Variants in CATSPERD observed in about 807,000 individuals in gnomAD.
CATSPERD encodes the protein catsper channel auxiliary subunit delta.
Under a neutral mutation model 98.1 loss-of-function variants are expected in CATSPERD, and 86 were observed. The observed-to-expected ratio is 0.88, with a 90% CI of 0.74 to 1.05. The LOEUF (loss-of-function observed/expected upper bound fraction) is 1.05, where lower values mean the gene tolerates loss of function less well. CATSPERD is among the 50% of genes least tolerant of loss of function. The probability of loss-of-function intolerance (pLI) is 0.00; values close to 1 mark genes in which losing one functional copy is unlikely to be tolerated. For synonymous variants in CATSPERD, 394 were observed against 390.2 expected (o/e 1.01, Z -0.12); for missense variants, 995 against 1,005.7 (o/e 0.99, Z 0.14).
intron 5 of CATSPERD, 58 bp downstream of exon 5, chr19:5,734,028 G>A: frequency 7.9e-6 from 8 of 1,012,466 alleles, no homozygotes; most frequent in Non-Finnish European, 1.0e-5. Context: ...GAGAGAAGAG[G>A]GTATTAGTGT....
chr19:5,737,334 G>C, intron 6 of CATSPERD, 129 bp downstream of exon 6: 1 of 585,308 alleles, frequency 1.7e-6, no homozygotes, highest in South Asian at 2.0e-5. Flanking sequence ...GCCGAGGCAA[G>C]AGGATTGCTG....
intron 4 of CATSPERD, among the ~76,000 whole-genome samples, chr19:5,731,433 G>A (rs1243990577): frequency 1.3e-5 from 2 of 152,022 alleles, no homozygotes; most frequent in African/African-American, 2.4e-5. Flanking sequence ...GTTGCAGTGA[G>A]CTATGATTGT....
At chr19:5,758,660 G>A (rs781085006) in intron 14 of CATSPERD, among the ~76,000 whole-genome samples, 11 of 151,318 alleles carry the variant, frequency 7.3e-5, no homozygotes, top group Non-Finnish European at 1.5e-4. Context: ...GGAGAATGGC[G>A]TGAACCCAGG....
rs1201805045 is a variant in CATSPERD, at chr19:5,720,770, C to T, written c.33C>T (p.Thr11=). 6.2e-7 allele frequency: 1 copy of T among 1,603,952 alleles called. No individual in the cohort carries two copies. Among genetic ancestry groups the T allele is most frequent in the Non-Finnish European group, 8.5e-7 (1 of 1,179,588 alleles). The stretch of plus-strand genomic sequence containing the variant: ...TGTTGATGCTGGTGGCGGCTGTGAC[C>T]ATGTGGCTCCGACCGCTGGTCACAG... The part of the protein sequence containing the change: MLMLMLVAAV[T]MWLRPLVTAQ... Residue 11 remains threonine (T), a synonymous_variant, in exon 1 of 22, where the codon ACC becomes ACT. Transcript: ENST00000381624.
intron 9 of CATSPERD, among the ~76,000 whole-genome samples, chr19:5,747,507 T>C (rs796970558): frequency 9.9e-5 from 15 of 152,096 alleles, no homozygotes; most frequent in African/African-American, 3.4e-4. Flanking sequence ...TTAGAAGACA[T>C]TCCATTGTGT....
chr19:5,723,450 C>A (rs2055539251), intron 1 of CATSPERD, among the ~76,000 whole-genome samples: 1 of 144,902 alleles, frequency 6.9e-6, no homozygotes, highest in South Asian at 2.3e-4. Context: ...CGCCACCCTG[C>A]CCAGCTAATT....
At chr19:5,721,878 A>G (rs9710120) in intron 1 of CATSPERD, among the ~76,000 whole-genome samples, 3,958 of 151,824 alleles carry the variant, frequency 0.026, 91 homozygotes, top group Non-Finnish European at 0.037. Context: ...AATCCCAGCT[A>G]CTTGGGAGGC....
chr19:5,763,230 C>T lies in CATSPERD; in HGVS notation c.1443C>T (p.Thr481=). The change falls in exon 16 of 22, where the codon ACC becomes ACT. Residue 481 remains threonine (T), a synonymous_variant. Coordinates refer to ENST00000381624, the MANE Select transcript of CATSPERD (RefSeq NM_152784.4). The part of the protein sequence containing the change: ...SNFTSSLKKA[T]MSTLTVDIAN... ...TGCCTTGCAGTTTAAAGAAAGCCAC[C>T]ATGTCTACCTTAACTGTGGACATAG... The T allele has an allele frequency of 6.2e-7, 1 of 1,613,992 alleles. No individual in the cohort carries two copies. The highest frequency in any genetic ancestry group is 8.5e-7 in the Non-Finnish European group (1 of 1,179,964).
At position 5,778,723 on chromosome 19, in the gene CATSPERD, T is replaced by C. The variant is rs2056777188; in HGVS notation, c.*47T>C. On this transcript the variant is annotated 3_prime_UTR_variant, in exon 22 of 22. Coordinates refer to ENST00000381624, the MANE Select transcript of CATSPERD (RefSeq NM_152784.4). ...CCCCTTGTCTTCAAATAAAGTATAA[T>C]GTAACATAGCAGGAAGCAGTATGTA... The C allele has an allele frequency of 6.5e-7, 1 of 1,544,118 alleles. No individual in the cohort carries two copies. Among genetic ancestry groups the C allele is most frequent in the Non-Finnish European group, 8.8e-7 (1 of 1,142,476 alleles).
At chr19:5,760,334 G>A (rs1293384570) in intron 15 of CATSPERD, among the ~76,000 whole-genome samples, 3 of 151,698 alleles carry the variant, frequency 2.0e-5, no homozygotes, top group East Asian at 1.9e-4. Context: ...GGGAGGCAGA[G>A]GTTTCAGTGA....
At position 5,739,454 on chromosome 19, in the gene CATSPERD, G is replaced by T; in HGVS notation, c.573+15G>T. On this transcript the variant is annotated intron_variant, in intron 7 of 21. Transcript: ENST00000381624. ...ATGACAGACAGGTATGTTAAATTTG[G>T]TAAGAATGTGAAAATAAATACATAT... The T allele has an allele frequency of 7.4e-7, 1 of 1,350,286 alleles. No individual in the cohort carries two copies. The allele number at this position is 1,350,286 out of a possible 1,614,324, so 83.6% of individuals were successfully genotyped here.
chr19:5,768,341 T>TTTATTTA (rs1568371806), intron 18 of CATSPERD, 99 bp downstream of exon 18: 1 of 741,516 alleles, frequency 1.3e-6, no homozygotes, highest in Non-Finnish European at 1.9e-6. Context: ...TATTTATTTA[T>TTTATTTA]TTATTATTAT....
At chr19:5,744,559 C>T in intron 8 of CATSPERD, 49 bp downstream of exon 8, 1 of 1,371,852 alleles carries the variant, frequency 7.3e-7, no homozygotes, top group Non-Finnish European at 1.0e-6. Flanking sequence ...TTGCCCAAGC[C>T]CAGGTTTTTG....
At chr19:5,741,858 C>A (rs982394303) in intron 7 of CATSPERD, among the ~76,000 whole-genome samples, 1 of 140,684 alleles carries the variant, frequency 7.1e-6, no homozygotes, top group African/African-American at 2.6e-5. Flanking sequence ...GGTGAAACCC[C>A]GTCTCTACTG....
chr19:5,746,914 C>G (rs2056105927), intron 9 of CATSPERD, among the ~76,000 whole-genome samples: 1 of 151,978 alleles, frequency 6.6e-6, no homozygotes, highest in Non-Finnish European at 1.5e-5. Context: ...GCAATCATGG[C>G]TCACTGCAGC....
intron 3 of CATSPERD, among the ~76,000 whole-genome samples, chr19:5,727,806 C>T (rs147283732): frequency 9.5e-4 from 144 of 152,074 alleles, no homozygotes; most frequent in African/African-American, 3.4e-3. Flanking sequence ...TCCACCATGC[C>T]AGGATGCTTA....
chr19:5,756,185 G>A (rs1043852183), intron 13 of CATSPERD, among the ~76,000 whole-genome samples: 3 of 151,876 alleles, frequency 2.0e-5, no homozygotes, highest in Non-Finnish European at 2.9e-5. Context: ...GGAGGCTGAC[G>A]TGGGAGAATC....
Position 5,768,080 on chromosome 19 carries a change from C to T in CATSPERD, c.1560-88C>T, listed in dbSNP as rs866447163. On this transcript the variant is annotated intron_variant, in intron 17 of 21. Transcript: ENST00000381624. Reference sequence around the variant, plus strand: ...CCAAAGTGCTGGGCCTGAGCCACCACGCCCAGCCCCTCCCTTTCTGTCCCA... The same window carrying T: ...CCAAAGTGCTGGGCCTGAGCCACCATGCCCAGCCCCTCCCTTTCTGTCCCA... 4.0e-5 allele frequency: 50 copies of T among 1,235,652 alleles called. No homozygotes were observed. In the Middle Eastern group the frequency reaches 1.6e-3, roughly 38 times the overall value. The allele number at this position is 1,235,652 out of a possible 1,614,324, so 76.5% of individuals were successfully genotyped here. A position where few individuals can be genotyped will look rare whatever the true frequency, so the allele number is the denominator to read the frequency against.
At chr19:5,728,251 G>A (rs376549849) in intron 3 of CATSPERD, among the ~76,000 whole-genome samples, 111 of 151,382 alleles carry the variant, frequency 7.3e-4, no homozygotes, top group African/African-American at 2.5e-3. Flanking sequence ...CCAGCTACTC[G>A]GGAGGCTGAG....
Sources: allele counts gnomAD v4.1 joint callset (sites outside exome capture counted in the v4.1 genomes callset), GRCh38; gene constraint gnomAD v4.1.1; transcripts MANE v1.5; gene names NCBI Gene and HGNC (gene_info 2026-07-23, HGNC 2026-07-21).